LDLRAD4: variants seen among roughly 807,000 people sequenced by gnomAD.
The protein encoded by LDLRAD4 is low density lipoprotein receptor class A domain containing 4.
LDLRAD4 carries 5 observed loss-of-function variants against 17.0 expected under a neutral mutation model. The observed-to-expected ratio is 0.29, with a 90% CI of 0.15 to 0.62. The LOEUF (loss-of-function observed/expected upper bound fraction) is 0.62. Among genes scored for constraint, LDLRAD4 ranks in the 20% least tolerant of loss-of-function variants. LDLRAD4 has a pLI of 0.84. For synonymous variants in LDLRAD4, 168 were observed against 171.8 expected (o/e 0.98, Z 0.17); for missense variants, 340 against 424.7 (o/e 0.80, Z 1.75).
chr18:13,624,403 C>T lies in LDLRAD4; in HGVS notation c.336+3132C>T, dbSNP rs577115757. ...TCATCCAGCCATTCAGTGGACACTC[C>T]GCAGGAGCCAGGCACTGAGTAGGAG... On this transcript the variant is annotated intron_variant, in intron 4 of 5. Transcript: ENST00000359446. 1.5e-3 allele frequency among the ~76,000 whole-genome samples: 231 copies of T among 152,360 alleles called. 1 individual carries two copies. The highest frequency in any genetic ancestry group is 5.0e-3 in the African/African-American group (208 of 41,582).
At chr18:13,496,257 C>A (rs527674664) in intron 3 of LDLRAD4, among the ~76,000 whole-genome samples, 1 of 152,140 alleles carries the variant, frequency 6.6e-6, no homozygotes, top group African/African-American at 2.4e-5. Context: ...GGAGTCTGTT[C>A]CTCTGGAAAC....
chr18:13,578,713 G>A (rs1205511948), intron 3 of LDLRAD4, among the ~76,000 whole-genome samples: 2 of 151,746 alleles, frequency 1.3e-5, no homozygotes, highest in African/African-American at 4.8e-5. Flanking sequence ...TATTTAGCTT[G>A]GAGCAACTTT....
chr18:13,548,436 C>A (rs907534321), intron 3 of LDLRAD4, among the ~76,000 whole-genome samples: 7 of 152,232 alleles, frequency 4.6e-5, no homozygotes, highest in African/African-American at 1.7e-4. Flanking sequence ...TGGCCTCCTT[C>A]CCCTGCTTGT....
intron 1 of LDLRAD4, among the ~76,000 whole-genome samples, chr18:13,332,548 C>T (rs904177346): frequency 2.6e-5 from 4 of 152,176 alleles, no homozygotes; most frequent in Non-Finnish European, 5.9e-5. Flanking sequence ...ATCCTCTGTG[C>T]CTCACCTGTT....
intron 1 of LDLRAD4, chr18:13,236,400 C>T (rs1482173103): frequency 6.8e-6 from 1 of 146,780 alleles, no homozygotes; most frequent in Non-Finnish European, 1.5e-5. Context: ...ACGTCTGCCT[C>T]CCGGGTTCAA....
Position 13,271,501 on chromosome 18 carries a change from A to G in LDLRAD4, c.-466-6604A>G, listed in dbSNP as rs146860670. On this transcript the variant is annotated intron_variant, in intron 1 of 5. Coordinates refer to the LDLRAD4 transcript ENST00000399848. ...CTGCCGAAGGAGATCTTAGCTACCA[A>G]TGAAGACCAAAGAGTCCGGGTCGAA... Among the ~76,000 whole-genome samples, 194 of 152,304 alleles carry G rather than the reference A, an allele frequency of 1.3e-3. 2 individuals are homozygous for G. The East Asian group carries it at 0.028, about 22-fold the overall frequency.
intron 3 of LDLRAD4, among the ~76,000 whole-genome samples, chr18:13,565,746 T>C (rs912673000): frequency 6.6e-6 from 1 of 152,244 alleles, no homozygotes; most frequent in Non-Finnish European, 1.5e-5. Flanking sequence ...GCTCTGTACC[T>C]GCACCTCACT....
At chr18:13,236,997 T>C (rs1486147836) in intron 1 of LDLRAD4, among the ~76,000 whole-genome samples, 3 of 152,196 alleles carry the variant, frequency 2.0e-5, no homozygotes, top group Admixed American at 2.0e-4. Flanking sequence ...TTCTGTTTTA[T>C]ATTTAATGGA....
At chr18:13,568,697 C>CTGTGG (rs1422491026) in intron 3 of LDLRAD4, among the ~76,000 whole-genome samples, 13 of 152,214 alleles carry the variant, frequency 8.5e-5, no homozygotes, top group Admixed American at 3.3e-4. Context: ...ACTTCACGCC[C>CTGTGG]CACATCAGGA....
intron 1 of LDLRAD4, among the ~76,000 whole-genome samples, chr18:13,294,157 C>T (rs1260214928): frequency 6.6e-6 from 1 of 152,214 alleles, no homozygotes; most frequent in Non-Finnish European, 1.5e-5. Flanking sequence ...TAATGGAACA[C>T]TGCGCATAAA....
intron 1 of LDLRAD4, among the ~76,000 whole-genome samples, chr18:13,261,852 G>T (rs2145952784): frequency 6.6e-6 from 1 of 152,300 alleles, no homozygotes; most frequent in East Asian, 1.9e-4. Context: ...CGGGGGAGAG[G>T]CAGGACTGCG....
At chr18:13,296,522 C>T (rs184851761) in intron 1 of LDLRAD4, among the ~76,000 whole-genome samples, 3 of 151,926 alleles carry the variant, frequency 2.0e-5, no homozygotes, top group African/African-American at 4.8e-5. Context: ...TTTCCTTTTC[C>T]AGTAAGGACA....
chr18:13,424,904 T>C (rs890815706), intron 2 of LDLRAD4, among the ~76,000 whole-genome samples: 1 of 152,208 alleles, frequency 6.6e-6, no homozygotes, highest in African/African-American at 2.4e-5. Flanking sequence ...TATGCCTCGC[T>C]AATACGGACT....
chr18:13,546,422 G>A (rs1180597656), intron 3 of LDLRAD4, among the ~76,000 whole-genome samples: 1 of 140,244 alleles, frequency 7.1e-6, no homozygotes, highest in Non-Finnish European at 1.5e-5. Flanking sequence ...AGGCTGGAGT[G>A]CAGTGGTGCA....
intron 1 of LDLRAD4, chr18:13,241,641 C>T (rs1296153006): frequency 3.3e-5 from 5 of 152,266 alleles, no homozygotes; most frequent in Admixed American, 6.5e-5. Flanking sequence ...GTCAGCCTTC[C>T]AGCTCCTCCT....
intron 3 of LDLRAD4, among the ~76,000 whole-genome samples, chr18:13,546,769 G>C (rs35880789): frequency 6.6e-6 from 1 of 152,188 alleles, no homozygotes; most frequent in Non-Finnish European, 1.5e-5. Flanking sequence ...TCTCAGCTTA[G>C]AGAAAGCGGT....
chr18:13,287,294 T>C lies in LDLRAD4; in HGVS notation c.-383+9106T>C, dbSNP rs116689853. On this transcript the variant is annotated intron_variant, in intron 1 of 5. Transcript: ENST00000359446. ...CTTGATCTTGGTGCTGTAATGACAT[T>C]TATTATAGTATAATCAGGATGATCT... Among the ~76,000 whole-genome samples the C allele has an allele frequency of 3.5e-3, 531 of 152,356 alleles. 4 individuals carry two copies. The highest frequency in any genetic ancestry group is 0.012 in the African/African-American group (517 of 41,574).
At position 13,367,828 on chromosome 18, in the gene LDLRAD4, CA is replaced by C. The variant is rs939773686; in HGVS notation, c.-382-19512del. 6.9e-6 allele frequency among the ~76,000 whole-genome samples: 1 copy of C among 144,552 alleles called. No individual in the cohort carries two copies. Among genetic ancestry groups the C allele is most frequent in the African/African-American group, 2.6e-5 (1 of 38,276 alleles). 94.8% of individuals were successfully genotyped at this position (144,552 alleles called of 152,430 possible). A position where few individuals can be genotyped will look rare whatever the true frequency, so the allele number is the denominator to read the frequency against. ...AGGGGATGTACTGAGAGAGAGGGGA[CA>C]GTGGGGTGTGGGGGTGTGCTATCAA... On this transcript the variant is annotated intron_variant, in intron 1 of 5. Transcript: ENST00000359446. This position sits in a 1 kb window ranked among gnomAD's most constrained non-coding sequence, Gnocchi z 4.1.
At chr18:13,506,444 A>G (rs1490135676) in intron 3 of LDLRAD4, among the ~76,000 whole-genome samples, 1 of 136,716 alleles carries the variant, frequency 7.3e-6, no homozygotes, top group African/African-American at 2.8e-5. Context: ...AGGACTTTTT[A>G]TTTCTTTGCT....
Sources: gnomAD v4.1 joint callset for allele counts (sites outside exome capture counted in the v4.1 genomes callset) on GRCh38, gnomAD v4.1.1 for gene constraint, Gnocchi (gnomAD v3.1) non-coding constraint, MANE v1.5 for transcripts, NCBI Gene and HGNC (gene_info 2026-07-23, HGNC 2026-07-21) for gene names.